IPO9: variants seen among roughly 807,000 people sequenced by gnomAD.
The protein encoded by IPO9 is importin-9.
IPO9 carries 28 observed loss-of-function variants against 128.6 expected under a neutral mutation model. The observed-to-expected ratio is 0.22, with a 90% CI of 0.16 to 0.30. IPO9 has a LOEUF of 0.30. IPO9 is among the 10% of genes least tolerant of loss of function. The pLI is 1.00. For synonymous variants in IPO9, 455 were observed against 475.8 expected, an observed-to-expected ratio of 0.96 and a Z score of 0.57; for missense variants, 935 against 1,293.9, an observed-to-expected ratio of 0.72 and a Z score of 4.26.
intron 4 of IPO9, 32 bp downstream of exon 4, chr1:201,848,626 C>T (rs1230442559): frequency 1.2e-6 from 2 of 1,605,388 alleles, no homozygotes; most frequent in East Asian, 2.2e-5. Flanking sequence ...GGTATTGGTA[C>T]TTGGATCTCA....
intron 2 of IPO9, 82 bp from the exon 3 acceptor site, chr1:201,847,470 G>T (rs1334276616): frequency 1.5e-6 from 2 of 1,352,310 alleles, no homozygotes; most frequent in Non-Finnish European, 2.1e-6. Context: ...ATATACTTCA[G>T]ATGTATCAGG....
In IPO9 at chr1:201,880,850, C is replaced by G. The variant is rs1255613965; in HGVS notation, c.*4796C>G. 6.6e-6 allele frequency: 1 copy of G among 152,156 alleles called. No individual in the cohort carries two copies. Among genetic ancestry groups the G allele is most frequent in the Non-Finnish European group, 1.5e-5 (1 of 68,034 alleles). 9.4% of individuals were successfully genotyped at this position (152,156 alleles called of 1,614,324 possible). ...GTATCCATACAATCAGTACAGTATT[C>G]AATAAATTACATGAGACATTCAACA... On this transcript the variant is annotated 3_prime_UTR_variant, in exon 24 of 24. Coordinates refer to ENST00000361565, the MANE Select transcript of IPO9 (RefSeq NM_018085.5).
In IPO9 at chr1:201,876,503, CATTATG is replaced by C; in HGVS notation, c.*450_*455del. 1 of 279,412 alleles carries C rather than the reference CATTATG, an allele frequency of 3.6e-6. No homozygotes were observed. Among genetic ancestry groups the C allele is most frequent in the Non-Finnish European group, 7.1e-6 (1 of 140,446 alleles). 17.3% of individuals were successfully genotyped at this position (279,412 alleles called of 1,614,324 possible). A position where few individuals can be genotyped will look rare whatever the true frequency, so the allele number is the denominator to read the frequency against. On this transcript the variant is annotated 3_prime_UTR_variant, in exon 24 of 24. Coordinates refer to ENST00000361565, the MANE Select transcript of IPO9 (RefSeq NM_018085.5). ...TCAGATAGGAATCCTCATGAGAGAT[CATTATG>C]CTTTGTGCCCTGGACCACTGCTGCT...
At position 201,829,263 on chromosome 1, in the gene IPO9, A is replaced by G; in HGVS notation, c.54A>G (p.Ala18=). The G allele has an allele frequency of 6.3e-7, 1 of 1,593,636 alleles. No homozygotes were observed. Among genetic ancestry groups the G allele is most frequent in the East Asian group, 2.3e-5 (1 of 42,674 alleles). ...GAASGLPGPV[A]QGLKEALVDT... is the part of the protein sequence containing the mutation. ...CCTCCGGGCTGCCGGGTCCAGTGGC[A>G]CAAGGATTAAAGGAAGCGTTAGTGG... The change falls in exon 1 of 24, where the codon GCA becomes GCG. Residue 18 remains alanine, a synonymous_variant. Transcript: ENST00000361565.
In IPO9 at chr1:201,834,196, ACTTTT is replaced by A. The variant is rs773221866; in HGVS notation, c.163+4835_163+4839del. The stretch of plus-strand genomic sequence containing the variant: ...TTTTTTTATTCGTTAGAGTAAAAAA[ACTTTT>A]CTTTTCTTTTTTTTTTTTGTTGCAC... On this transcript the variant is annotated intron_variant, in intron 1 of 23. Coordinates refer to ENST00000361565, the MANE Select transcript of IPO9 (RefSeq NM_018085.5). Among the ~76,000 whole-genome samples the A allele has an allele frequency of 2.5e-4, 35 of 140,346 alleles. No homozygotes were observed. In the East Asian group the frequency reaches 4.4e-3, roughly 17 times the overall value. The allele number at this position is 140,346 out of a possible 152,430, so 92.1% of individuals were successfully genotyped here.
intron 13 of IPO9, among the ~76,000 whole-genome samples, chr1:201,860,368 C>G (rs987836904): frequency 1.3e-5 from 2 of 152,208 alleles, no homozygotes; most frequent in Non-Finnish European, 2.9e-5. Flanking sequence ...TATCCTGTTT[C>G]ACTCTGTACT....
At chr1:201,869,434 T>C (rs1292393507) in intron 16 of IPO9, among the ~76,000 whole-genome samples, 156 bp from the exon 17 acceptor site, 1 of 152,206 alleles carries the variant, frequency 6.6e-6, no homozygotes, top group East Asian at 1.9e-4. Context: ...CTGAGAGTAC[T>C]ACCCATTTAA....
At chr1:201,867,669 A>G (rs1383498964) in intron 15 of IPO9, among the ~76,000 whole-genome samples, 2 of 151,902 alleles carry the variant, frequency 1.3e-5, no homozygotes, top group Non-Finnish European at 2.9e-5. Flanking sequence ...TGTTTTCATT[A>G]TTACTTTTCT....
chr1:201,868,541 T>C (rs961688278), intron 15 of IPO9, 107 bp from the exon 16 acceptor site: 20 of 1,221,726 alleles, frequency 1.6e-5, no homozygotes, highest in Non-Finnish European at 2.3e-5. Flanking sequence ...AAGTAATCAA[T>C]GCAGAAGTTG....
At chr1:201,852,848 G>A (rs1030791382) in intron 5 of IPO9, among the ~76,000 whole-genome samples, 163 bp from the exon 6 acceptor site, 1 of 152,158 alleles carries the variant, frequency 6.6e-6, no homozygotes, top group Admixed American at 6.5e-5. Flanking sequence ...AATTACAGAA[G>A]TCTGCCTCCT....
intron 1 of IPO9, among the ~76,000 whole-genome samples, chr1:201,839,199 C>T (rs1421817747): frequency 1.3e-5 from 2 of 149,156 alleles, no homozygotes; most frequent in African/African-American, 2.5e-5. Flanking sequence ...GGATTACAGG[C>T]GTGAGCCACT....
At chr1:201,866,625 AT>A in intron 14 of IPO9, 107 bp from the exon 15 acceptor site, 1 of 783,524 alleles carries the variant, frequency 1.3e-6, no homozygotes, top group Non-Finnish European at 2.1e-6. Context: ...TAACTTTAGA[AT>A]TAGCTTTATA....
At chr1:201,851,463 T>G (rs888354609) in intron 4 of IPO9, among the ~76,000 whole-genome samples, 12 of 139,538 alleles carry the variant, frequency 8.6e-5, no homozygotes, top group African/African-American at 3.1e-4. Context: ...GTGTATTTGG[T>G]TTTTTTTTTT....
chr1:201,859,183 A>AAATATATATATATATATATATATATG (rs1680392044), intron 13 of IPO9, among the ~76,000 whole-genome samples, 189 bp downstream of exon 13: 1 of 130,850 alleles, frequency 7.6e-6, no homozygotes, highest in Admixed American at 7.6e-5. Flanking sequence ...AAAGTATAAT[A>AAATATATATATATATATATATATATG]TATATATATA....
chr1:201,876,291 C>T lies in IPO9; in HGVS notation c.*237C>T. 3.1e-6 allele frequency: 2 copies of T among 637,718 alleles called. No homozygotes were observed. Among genetic ancestry groups the T allele is most frequent in the East Asian group, 2.9e-5 (1 of 34,572 alleles). The allele number at this position is 637,718 out of a possible 1,614,324, so 39.5% of individuals were successfully genotyped here. Reference sequence around the variant, plus strand: ...CCCTGAAGACATGCCATCTCTAGAACCTTTTTTCTCCCCGACTCTACCCCC... The same window carrying T: ...CCCTGAAGACATGCCATCTCTAGAATCTTTTTTCTCCCCGACTCTACCCCC... On this transcript the variant is annotated 3_prime_UTR_variant, in exon 24 of 24. Coordinates refer to ENST00000361565, the MANE Select transcript of IPO9 (RefSeq NM_018085.5).
chr1:201,844,382 C>T (rs566047057), intron 1 of IPO9, among the ~76,000 whole-genome samples: 2 of 152,034 alleles, frequency 1.3e-5, no homozygotes, highest in African/African-American at 4.8e-5. Flanking sequence ...AATAACTGAT[C>T]GATATTCACC....
chr1:201,864,484 A>G, intron 14 of IPO9, among the ~76,000 whole-genome samples: 1 of 152,238 alleles, frequency 6.6e-6, no homozygotes, highest in Non-Finnish European at 1.5e-5. Flanking sequence ...TGCTTAAGGC[A>G]TGAATGTTAT....
At chr1:201,847,731 C>A in intron 3 of IPO9, 93 bp downstream of exon 3, 3 of 892,528 alleles carry the variant, frequency 3.4e-6, no homozygotes, top group Non-Finnish European at 5.5e-6. Flanking sequence ...ATGGAGCAAT[C>A]AAAAGACTAG....
At chr1:201,875,849 C>T (rs1680752485) in intron 23 of IPO9, 95 bp from the exon 24 acceptor site, 1 of 777,924 alleles carries the variant, frequency 1.3e-6, no homozygotes, top group Non-Finnish European at 2.3e-6. Flanking sequence ...GTCTAAAAAC[C>T]AGCATTCCCT....
Sources: gnomAD v4.1 joint callset for allele counts (sites outside exome capture counted in the v4.1 genomes callset) on GRCh38, gnomAD v4.1.1 for gene constraint, MANE v1.5 for transcripts, NCBI Gene and HGNC (gene_info 2026-07-23, HGNC 2026-07-21) for gene names.